The following ANXA8 variants were observed in gnomAD, a reference collection of about 807,000 sequenced individuals.
ANXA8 encodes VAC-beta.
Under a neutral mutation model 26.8 loss-of-function variants are expected in ANXA8, and 9 were observed. That is an observed-to-expected ratio of 0.34 (90% CI 0.20 to 0.59). ANXA8 has a LOEUF of 0.59. Among genes scored for constraint, ANXA8 ranks in the 20% least tolerant of loss-of-function variants. ANXA8 has a pLI of 0.84. For missense variants in ANXA8, 83 were observed against 238.5 expected (o/e 0.35, Z 4.29); for synonymous variants, 39 against 94.8 (o/e 0.41, Z 3.42).
the ANXA8 span, among the ~76,000 whole-genome samples, chr10:47,694,203 T>G: frequency 7.4e-4 from 112 of 151,806 alleles, 1 homozygote; most frequent in African/African-American, 2.6e-3. Flanking sequence ...CTATGAACTT[T>G]TTTTAAAAAA....
At chr10:47,484,973 C>T (rs1840005757), upstream of ANXA8, among the ~76,000 whole-genome samples, 1 of 148,606 alleles carries the variant, frequency 6.7e-6, no homozygotes, top group African/African-American at 2.5e-5. Context: ...TCCACCCGCT[C>T]ATCCTGGAGC....
chr10:47,659,779 C>T, the ANXA8 span, among the ~76,000 whole-genome samples: 1 of 151,008 alleles, frequency 6.6e-6, no homozygotes, highest in East Asian at 1.9e-4. Flanking sequence ...TTTTTTGAGA[C>T]AGGGTCTTAC....
chr10:47,628,687 C>T, the ANXA8 span, among the ~76,000 whole-genome samples: 1 of 149,946 alleles, frequency 6.7e-6, no homozygotes, highest in East Asian at 1.9e-4. Context: ...CAGCACCTCA[C>T]TGCTCTTGTT....
At chr10:47,970,677 C>T in the ANXA8 span, among the ~76,000 whole-genome samples, 2 of 151,462 alleles carry the variant, frequency 1.3e-5, no homozygotes, top group South Asian at 4.2e-4. Flanking sequence ...ATATTTAATT[C>T]CTAAGGCATT....
chr10:47,468,967 C>G (rs1356842631), intron 11 of ANXA8, 61 bp from the exon 12 acceptor site: 1 of 1,581,088 alleles, frequency 6.3e-7, no homozygotes. Flanking sequence ...TCGGCAGTGG[C>G]GGCTGTGTTA....
chr10:47,494,953 A>G, the ANXA8 span, among the ~76,000 whole-genome samples: 1 of 152,230 alleles, frequency 6.6e-6, no homozygotes, highest in South Asian at 2.1e-4. Flanking sequence ...CACAGATCCC[A>G]AAGAGAGCTG....
At chr10:47,727,457 A>C in the ANXA8 span, among the ~76,000 whole-genome samples, 1 of 152,152 alleles carries the variant, frequency 6.6e-6, no homozygotes, top group Non-Finnish European at 1.5e-5. Context: ...ATCTTTCAAT[A>C]GTAGATTGTT....
the ANXA8 span, among the ~76,000 whole-genome samples, chr10:47,497,712 C>T: frequency 2.2e-4 from 32 of 148,270 alleles, 1 homozygote; most frequent in Admixed American, 1.5e-3. Context: ...CCAAGGCAGG[C>T]GGATCACCTG....
chr10:47,586,903 G>A, the ANXA8 span, among the ~76,000 whole-genome samples: 3 of 146,340 alleles, frequency 2.1e-5, no homozygotes, highest in South Asian at 4.2e-4. Flanking sequence ...TTCATCTCTT[G>A]AGACCTTGTT....
At chr10:47,979,512 A>ATC in the ANXA8 span, among the ~76,000 whole-genome samples, 1 of 151,686 alleles carries the variant, frequency 6.6e-6, no homozygotes, top group African/African-American at 2.4e-5. Context: ...TAAGGGTATA[A>ATC]ACCTTGAGAT....
chr10:47,497,182 T>C, the ANXA8 span, among the ~76,000 whole-genome samples: 1 of 140,428 alleles, frequency 7.1e-6, no homozygotes, highest in African/African-American at 2.8e-5. Flanking sequence ...TAGCCAGGCA[T>C]GGTGGTGCAT....
the ANXA8 span, among the ~76,000 whole-genome samples, chr10:47,681,523 CTTT>C: frequency 6.2e-5 from 5 of 81,272 alleles, no homozygotes; most frequent in African/African-American, 1.4e-4. Flanking sequence ...TTTATTTTTA[CTTT>C]TTTTTTTTTT....
chr10:47,482,062 G>A (rs1839839355), intron 1 of ANXA8, among the ~76,000 whole-genome samples: 1 of 140,604 alleles, frequency 7.1e-6, no homozygotes, highest in Non-Finnish European at 1.5e-5. Flanking sequence ...AAAAAGAGAG[G>A]TGCAGATGGA....
At chr10:47,620,227 G>A in the ANXA8 span, among the ~76,000 whole-genome samples, 5 of 104,820 alleles carry the variant, frequency 4.8e-5, no homozygotes, top group Non-Finnish European at 1.0e-4. Flanking sequence ...CTTGAGCCTT[G>A]ACTATATTGG....
At chr10:47,947,952 G>A in the ANXA8 span, among the ~76,000 whole-genome samples, 38 of 151,058 alleles carry the variant, frequency 2.5e-4, 1 homozygote, top group African/African-American at 9.3e-4. Context: ...GGACATGGGG[G>A]GGACCCCTGC....
chr10:47,581,036 G>A, the ANXA8 span, among the ~76,000 whole-genome samples: 6,594 of 146,174 alleles, frequency 0.045, 247 homozygotes, highest in African/African-American at 0.17. Flanking sequence ...AGATCACGCC[G>A]CTGCACTCAA....
At chr10:47,646,900 T>A in the ANXA8 span, among the ~76,000 whole-genome samples, 3 of 152,138 alleles carry the variant, frequency 2.0e-5, no homozygotes, top group Non-Finnish European at 4.4e-5. Flanking sequence ...TGAGGGCCTA[T>A]GCCACCTAGC....
At chr10:47,626,685 C>A in the ANXA8 span, among the ~76,000 whole-genome samples, 1 of 150,284 alleles carries the variant, frequency 6.7e-6, no homozygotes, top group African/African-American at 2.5e-5. Context: ...GGTTCCCCAA[C>A]TTAGCTTCAA....
At chr10:47,659,459 C>T in the ANXA8 span, among the ~76,000 whole-genome samples, 3 of 151,526 alleles carry the variant, frequency 2.0e-5, no homozygotes, top group Non-Finnish European at 4.4e-5. Context: ...GTGGGCGGAT[C>T]ACCTGAGGTC....
Sources: allele counts gnomAD v4.1 joint callset (sites outside exome capture counted in the v4.1 genomes callset), GRCh38; gene constraint gnomAD v4.1.1; transcripts MANE v1.5; gene names NCBI Gene and HGNC (gene_info 2026-07-23, HGNC 2026-07-21).